C2orf76: variants seen among roughly 807,000 people sequenced by gnomAD.
C2orf76 encodes the protein chromosome 2 open reading frame 76.
A neutral mutation model predicts 16.9 loss-of-function variants in C2orf76; 23 were observed. The ratio of observed to expected loss-of-function variants is 1.36; its 90% confidence interval spans 0.98 to 1.93. C2orf76 has a LOEUF of 1.93. Among genes scored for constraint, C2orf76 ranks in the 30% most tolerant of loss-of-function variants. C2orf76 has a pLI of 0.00. For synonymous variants in C2orf76, 48 were observed against 52.3 expected (o/e 0.92, Z 0.35); for missense variants, 152 against 152.6 (o/e 1.00, Z 0.02).
At chr2:119,339,722 T>C in intron 2 of C2orf76, 105 bp downstream of exon 2, 1 of 1,288,490 alleles carries the variant, frequency 7.8e-7, no homozygotes, top group Non-Finnish European at 1.1e-6. Flanking sequence ...GAACCCAGGT[T>C]AATCTTTCAA....
intron 1 of C2orf76, among the ~76,000 whole-genome samples, chr2:119,341,633 C>T (rs1352139124): frequency 1.3e-5 from 2 of 152,148 alleles, no homozygotes; most frequent in African/African-American, 2.4e-5. Flanking sequence ...TTTAAAGATA[C>T]GAGCAGGGCA....
chr2:119,294,512 T>C, the C2orf76 span, among the ~76,000 whole-genome samples: 1 of 152,018 alleles, frequency 6.6e-6, no homozygotes, highest in South Asian at 2.1e-4. Context: ...TGCTCATTGG[T>C]GTTCCAGAGG....
the C2orf76 span, among the ~76,000 whole-genome samples, chr2:119,291,114 C>A: frequency 6.6e-6 from 1 of 152,000 alleles, no homozygotes; most frequent in African/African-American, 2.4e-5. Context: ...CTCCACCTGA[C>A]CTGCAGCCTG....
intron 5 of C2orf76, among the ~76,000 whole-genome samples, chr2:119,309,306 A>T (rs1001609851): frequency 6.8e-6 from 1 of 148,084 alleles, no homozygotes; most frequent in Non-Finnish European, 1.5e-5. Flanking sequence ...TGTGTGAGTT[A>T]TTTCTTCTAT....
At chr2:119,357,226 C>T (rs568006553) in intron 1 of C2orf76, among the ~76,000 whole-genome samples, 2 of 151,854 alleles carry the variant, frequency 1.3e-5, no homozygotes, top group South Asian at 4.2e-4. Context: ...AGTTTTTCCA[C>T]AATAAAGCCA....
At chr2:119,288,158 AT>A in the C2orf76 span, among the ~76,000 whole-genome samples, 1,839 of 140,212 alleles carry the variant, frequency 0.013, 183 homozygotes, top group East Asian at 0.29. Flanking sequence ...TTATACTTCA[AT>A]TTTTTTTTTT....
At position 119,312,308 on chromosome 2, in the gene C2orf76, C is replaced by T. The variant is rs973729997; in HGVS notation, c.223-605G>A. 5.9e-5 allele frequency among the ~76,000 whole-genome samples: 9 copies of T among 152,266 alleles called. No homozygotes were observed. In the Middle Eastern group the frequency reaches 0.01, roughly 174 times the overall value. ...TGTCACCTAGGCTGGAGTGCAGTGG[C>T]GTGATTATGGCTCACTACAACCTCA... is the stretch of plus-strand genomic sequence containing the variant. On this transcript the variant is annotated intron_variant, in intron 4 of 5. Transcript: ENST00000334816.
Position 119,321,210 on chromosome 2 carries a change from A to G in C2orf76, c.134-6T>C. 7.4e-7 allele frequency: 1 copy of G among 1,351,932 alleles called. No homozygotes were observed. The highest frequency in any genetic ancestry group is 1.0e-6 in the Non-Finnish European group (1 of 978,810). The allele number at this position is 1,351,932 out of a possible 1,614,324, so 83.7% of individuals were successfully genotyped here. A position where few individuals can be genotyped will look rare whatever the true frequency, so the allele number is the denominator to read the frequency against. On this transcript the variant is annotated splice_region_variant and splice_polypyrimidine_tract_variant and intron_variant, in intron 2 of 5. Transcript: ENST00000334816. ...GTTGGTCCTTAAAGGGATATCTACA[A>G]GAGAAAGATTATTTTTTTACACAAT...
intron 1 of C2orf76, among the ~76,000 whole-genome samples, chr2:119,343,056 A>C (rs184435002): frequency 6.6e-6 from 1 of 152,122 alleles, no homozygotes; most frequent in Non-Finnish European, 1.5e-5. Flanking sequence ...TATGCCTTTT[A>C]GTATGTCTGG....
At chr2:119,294,946 G>A in the C2orf76 span, among the ~76,000 whole-genome samples, 1 of 152,150 alleles carries the variant, frequency 6.6e-6, no homozygotes, top group South Asian at 2.1e-4. Context: ...GTGGGATAGT[G>A]AGAAGACAGC....
intron 1 of C2orf76, among the ~76,000 whole-genome samples, chr2:119,359,833 T>C (rs1054774877): frequency 6.6e-6 from 1 of 152,182 alleles, no homozygotes; most frequent in African/African-American, 2.4e-5. Flanking sequence ...GAGTGCTGTG[T>C]TGAAACGACA....
chr2:119,363,418 T>C (rs6726420), intron 1 of C2orf76, among the ~76,000 whole-genome samples: 42,674 of 147,004 alleles, frequency 0.29, 6,330 homozygotes, highest in African/African-American at 0.33. Context: ...AGCAAGACTC[T>C]GTCTCAAAAA....
intron 2 of C2orf76, among the ~76,000 whole-genome samples, chr2:119,329,903 T>C (rs1468211213): frequency 6.6e-6 from 1 of 152,184 alleles, no homozygotes; most frequent in Non-Finnish European, 1.5e-5. Context: ...ATTTACCATT[T>C]CCAGTACTCT....
chr2:119,329,714 A>G (rs1679613439), intron 2 of C2orf76, among the ~76,000 whole-genome samples: 1 of 152,114 alleles, frequency 6.6e-6, no homozygotes, highest in Admixed American at 6.5e-5. Flanking sequence ...CCTCCAAATG[A>G]TACTATAACA....
intron 1 of C2orf76, among the ~76,000 whole-genome samples, chr2:119,342,232 G>A (rs942409373): frequency 5.9e-5 from 9 of 152,108 alleles, no homozygotes; most frequent in Non-Finnish European, 1.2e-4. Context: ...TACCACGAGT[G>A]GAAAAAAGCA....
At chr2:119,282,741 C>G in the C2orf76 span, among the ~76,000 whole-genome samples, 1 of 152,190 alleles carries the variant, frequency 6.6e-6, no homozygotes, top group Non-Finnish European at 1.5e-5. Context: ...GAGACATCAA[C>G]ACACAGTTCT....
At chr2:119,291,537 G>GCAAGGCAC in the C2orf76 span, among the ~76,000 whole-genome samples, 5 of 151,964 alleles carry the variant, frequency 3.3e-5, no homozygotes, top group African/African-American at 1.2e-4. Context: ...CTCAGGGCTG[G>GCAAGGCAC]CTGAATCCAA....
intron 2 of C2orf76, among the ~76,000 whole-genome samples, chr2:119,325,751 G>A (rs1238673831): frequency 6.6e-6 from 1 of 152,246 alleles, no homozygotes; most frequent in African/African-American, 2.4e-5. Flanking sequence ...TTTAATTTCA[G>A]TCATTCTTAT....
At chr2:119,363,590 A>T (rs1213838043) in intron 1 of C2orf76, among the ~76,000 whole-genome samples, 1 of 152,216 alleles carries the variant, frequency 6.6e-6, no homozygotes, top group Non-Finnish European at 1.5e-5. Context: ...TACTAGAGCA[A>T]CTAGGAAGCT....
Sources: gnomAD v4.1 joint callset for allele counts (sites outside exome capture counted in the v4.1 genomes callset) on GRCh38, gnomAD v4.1.1 for gene constraint, MANE v1.5 for transcripts, NCBI Gene and HGNC (gene_info 2026-07-23, HGNC 2026-07-21) for gene names.